The following MCMDC2 variants were observed in gnomAD, a reference collection of about 807,000 sequenced individuals.
MCMDC2 encodes minichromosome maintenance domain containing 2.
In MCMDC2, 54 loss-of-function variants were observed where a neutral mutation model predicts 75.8. That is an observed-to-expected ratio of 0.71 (90% CI 0.57 to 0.89). MCMDC2 has a LOEUF of 0.89. MCMDC2 is among the 40% of genes least tolerant of loss of function. The pLI is 0.00. For missense variants in MCMDC2, 656 were observed against 780.4 expected, an observed-to-expected ratio of 0.84 and a Z score of 1.90; for synonymous variants, 249 against 274.6, an observed-to-expected ratio of 0.91 and a Z score of 0.92.
At chr8:66,908,000 T>G (rs1370776742) in intron 14 of MCMDC2, among the ~76,000 whole-genome samples, 1 of 152,200 alleles carries the variant, frequency 6.6e-6, no homozygotes, top group Non-Finnish European at 1.5e-5. Context: ...TTGCAAAAAT[T>G]TTCTCCGGTT....
At chr8:66,900,594 A>G (rs1002103953) in intron 12 of MCMDC2, among the ~76,000 whole-genome samples, 4 of 152,162 alleles carry the variant, frequency 2.6e-5, no homozygotes, top group African/African-American at 9.7e-5. Flanking sequence ...GGATAGTAAA[A>G]AATTTGGAAA....
At chr8:66,905,446 G>A in intron 14 of MCMDC2, 111 bp downstream of exon 14, 1 of 979,032 alleles carries the variant, frequency 1.0e-6, no homozygotes, top group Non-Finnish European at 1.3e-6. Context: ...TTATTTTAAA[G>A]AATAACAAAT....
At chr8:66,894,830 A>G (rs553494394) in intron 10 of MCMDC2, among the ~76,000 whole-genome samples, 1 of 152,224 alleles carries the variant, frequency 6.6e-6, no homozygotes, top group Admixed American at 6.5e-5. Flanking sequence ...TTGTGCTACT[A>G]TTACCACTAA....
At chr8:66,902,707 A>ATATAT (rs1341891622) in intron 13 of MCMDC2, among the ~76,000 whole-genome samples, 11 of 121,196 alleles carry the variant, frequency 9.1e-5, no homozygotes, top group African/African-American at 2.8e-4. Context: ...AAAAAAAAAA[A>ATATAT]AAAAATATAT....
intron 8 of MCMDC2, among the ~76,000 whole-genome samples, chr8:66,881,686 AAAAG>A (rs1270551578): frequency 6.6e-6 from 1 of 152,250 alleles, no homozygotes; most frequent in Non-Finnish European, 1.5e-5. Flanking sequence ...CGTCTCAAAA[AAAAG>A]AAAAAAAAAT....
In MCMDC2 at chr8:66,900,447, TA is replaced by T. The variant is rs533334211; in HGVS notation, c.1627-749del. Among the ~76,000 whole-genome samples, 332 of 145,922 alleles carry T rather than the reference TA, an allele frequency of 2.3e-3. 2 individuals are homozygous for T. Among genetic ancestry groups the T allele is most frequent in the African/African-American group, 7.7e-3 (307 of 39,796 alleles). ...GAGCGAAACTCCTTCTCAAAATAAA[TA>T]AAAAAAAAACATATAAATTTTATAG... is the stretch of plus-strand genomic sequence containing the variant. On this transcript the variant is annotated intron_variant, in intron 12 of 14. Coordinates refer to ENST00000422365, the MANE Select transcript of MCMDC2 (RefSeq NM_173518.5).
intron 1 of MCMDC2, among the ~76,000 whole-genome samples, chr8:66,873,683 C>A (rs1811132228): frequency 6.6e-6 from 1 of 152,006 alleles, no homozygotes; most frequent in African/African-American, 2.4e-5. Context: ...GTCAGGAGAT[C>A]AAGACCATCC....
intron 12 of MCMDC2, among the ~76,000 whole-genome samples, chr8:66,897,749 T>C (rs1207154730): frequency 6.6e-6 from 1 of 152,180 alleles, no homozygotes; most frequent in Non-Finnish European, 1.5e-5. Context: ...TCAAAACATA[T>C]GTGACATGTT....
In MCMDC2 at chr8:66,919,998, T is replaced by C. The variant is rs537896656; in HGVS notation, c.*829T>C. 4.6e-5 allele frequency: 7 copies of C among 152,318 alleles called. No individual in the cohort carries two copies. Among genetic ancestry groups the C allele is most frequent in the African/African-American group, 1.7e-4 (7 of 41,572 alleles). The allele number at this position is 152,318 out of a possible 1,614,324, so 9.4% of individuals were successfully genotyped here. A position where few individuals can be genotyped will look rare whatever the true frequency, so the allele number is the denominator to read the frequency against. On this transcript the variant is annotated 3_prime_UTR_variant, in exon 15 of 15. Coordinates refer to ENST00000422365, the MANE Select transcript of MCMDC2 (RefSeq NM_173518.5). ...CCTTTTTAGTTCAGTTTCCATAACT[T>C]TAATAAAAGATCAGTTCTATTCACA...
intron 14 of MCMDC2, among the ~76,000 whole-genome samples, chr8:66,918,160 G>T (rs1265877790): frequency 2.2e-4 from 34 of 152,094 alleles, no homozygotes; most frequent in Admixed American, 2.2e-3. Context: ...TAGTGATGTT[G>T]AACATCTTTC....
chr8:66,872,691 C>G (rs943862902), intron 1 of MCMDC2, among the ~76,000 whole-genome samples: 4 of 152,094 alleles, frequency 2.6e-5, no homozygotes, highest in Non-Finnish European at 4.4e-5. Flanking sequence ...GGTGCGGTGG[C>G]TCACGCCTGT....
intron 14 of MCMDC2, among the ~76,000 whole-genome samples, chr8:66,909,556 T>C (rs1391594700): frequency 6.6e-6 from 1 of 152,146 alleles, no homozygotes; most frequent in Non-Finnish European, 1.5e-5. Context: ...ATGAGGAAGT[T>C]GTTTGGAACT....
intron 13 of MCMDC2, among the ~76,000 whole-genome samples, chr8:66,904,764 C>G (rs1414032448): frequency 6.6e-6 from 1 of 152,072 alleles, no homozygotes; most frequent in Non-Finnish European, 1.5e-5. Context: ...ATGAATAGCC[C>G]AGGATGTTGT....
rs1048597016 is a variant in MCMDC2, at chr8:66,896,163, G to A, written c.1280-7G>A. 32 of 1,599,464 alleles carry A rather than the reference G, an allele frequency of 2.0e-5. No homozygotes were observed. Among genetic ancestry groups the A allele is most frequent in the African/African-American group, 2.7e-5 (2 of 74,230 alleles). ...AAATAACAAATGGATAATGTCTTCT[G>A]ACTTAGTTCTGGAGAGCAGAAGCAT... On this transcript the variant is annotated splice_region_variant and splice_polypyrimidine_tract_variant and intron_variant, in intron 10 of 14. Transcript: ENST00000422365.
At chr8:66,874,786 G>C (rs1480684955) in intron 4 of MCMDC2, among the ~76,000 whole-genome samples, 200 bp downstream of exon 4, 2 of 151,014 alleles carry the variant, frequency 1.3e-5, no homozygotes, top group Non-Finnish European at 2.9e-5. Flanking sequence ...TTGAGATGGA[G>C]TCTCGCTCTG....
At chr8:66,916,106 G>A (rs1017646639) in intron 14 of MCMDC2, among the ~76,000 whole-genome samples, 13 of 152,004 alleles carry the variant, frequency 8.6e-5, no homozygotes, top group Admixed American at 7.2e-4. Flanking sequence ...AGAAATGAGG[G>A]AATTGCTGGA....
chr8:66,894,017 G>A (rs569321574), intron 10 of MCMDC2, among the ~76,000 whole-genome samples: 78 of 152,304 alleles, frequency 5.1e-4, no homozygotes, highest in Admixed American at 1.5e-3. Flanking sequence ...GCACTTGACT[G>A]TGAGTAGAGG....
In MCMDC2 at chr8:66,919,667, T is replaced by C. The variant is rs1813443913; in HGVS notation, c.*498T>C. On this transcript the variant is annotated 3_prime_UTR_variant, in exon 15 of 15. Coordinates refer to ENST00000422365, the MANE Select transcript of MCMDC2 (RefSeq NM_173518.5). ...CCGAAGCTTCAAATGTAAGGCCTTT[T>C]CATACTTTATTACTGGCCTGTCCAT... 5 of 152,334 alleles carry C rather than the reference T, an allele frequency of 3.3e-5. No homozygotes were observed. The South Asian group carries it at 1.0e-3, about 31-fold the overall frequency. The allele number at this position is 152,334 out of a possible 1,614,324, so 9.4% of individuals were successfully genotyped here.
In MCMDC2 at chr8:66,870,811, C is replaced by T. The variant is rs1030493219; in HGVS notation, c.-109C>T. 4 of 152,238 alleles carry T rather than the reference C, an allele frequency of 2.6e-5. No homozygotes were observed. Among genetic ancestry groups the T allele is most frequent in the African/African-American group, 9.6e-5 (4 of 41,460 alleles). The allele number at this position is 152,238 out of a possible 1,614,324, so 9.4% of individuals were successfully genotyped here. A position where few individuals can be genotyped will look rare whatever the true frequency, so the allele number is the denominator to read the frequency against. ...CTACGCTGCAGGCGGAGAGCAACCGCCAAGCTTGGTGGGAGTCAAGGTGAG... is the reference window on the plus strand; with the variant it reads ...CTACGCTGCAGGCGGAGAGCAACCGTCAAGCTTGGTGGGAGTCAAGGTGAG... On this transcript the variant is annotated 5_prime_UTR_variant, in exon 1 of 15. Coordinates refer to ENST00000422365, the MANE Select transcript of MCMDC2 (RefSeq NM_173518.5).
Sources: allele counts gnomAD v4.1 joint callset (sites outside exome capture counted in the v4.1 genomes callset), GRCh38; gene constraint gnomAD v4.1.1; transcripts MANE v1.5; gene names NCBI Gene and HGNC (gene_info 2026-07-23, HGNC 2026-07-21).